The following PCED1A variants were observed in gnomAD, a reference collection of about 807,000 sequenced individuals.
PCED1A encodes PC-esterase domain containing 1A.
PCED1A carries 20 observed loss-of-function variants against 41.9 expected under a neutral mutation model. The ratio of observed to expected loss-of-function variants is 0.48; its 90% confidence interval spans 0.34 to 0.69. The LOEUF is 0.69. PCED1A is among the 30% of genes least tolerant of loss of function. The probability of loss-of-function intolerance (pLI) is 0.01; values close to 1 mark genes in which losing one functional copy is unlikely to be tolerated. For synonymous variants in PCED1A, 236 were observed against 241.3 expected, an observed-to-expected ratio of 0.98 and a Z score of 0.20; for missense variants, 498 against 602.1, an observed-to-expected ratio of 0.83 and a Z score of 1.81.
In PCED1A at chr20:2,840,625, G is replaced by A. The variant is rs2088951909; in HGVS notation, c.-436C>T. 1 of 831,452 alleles carries A rather than the reference G, an allele frequency of 1.2e-6. No individual in the cohort carries two copies. The highest frequency in any genetic ancestry group is 1.9e-6 in the Non-Finnish European group (1 of 515,410). 51.5% of individuals were successfully genotyped at this position (831,452 alleles called of 1,614,324 possible). ...CCCAGGTACGGGCTGGGGTCTCGGG[G>A]CGGCAGCCAAGTGAGGCTGCCCACA... On this transcript the variant is annotated 5_prime_UTR_variant, in exon 1 of 8. Transcript: ENST00000360652.
chr20:2,840,732 T>G, upstream of PCED1A: 5 of 1,545,560 alleles, frequency 3.2e-6, no homozygotes, highest in Non-Finnish European at 3.5e-6. Flanking sequence ...CCGCTCTAGG[T>G]GGGTGTCCCC....
Position 2,838,215 on chromosome 20 carries a change from C to T in PCED1A, c.841+17G>A, listed in dbSNP as rs777142727. ...GCCCCAGTGCATCACTACCCCCCCA[C>T]TTATGGTAGGGCTCACCAGGGGGAT... is the stretch of plus-strand genomic sequence containing the variant. On this transcript the variant is annotated intron_variant, in intron 6 of 7. Transcript: ENST00000360652. This position sits in a 1 kb window ranked among gnomAD's most constrained non-coding sequence, Gnocchi z 5.8. 5.0e-6 allele frequency: 8 copies of T among 1,613,704 alleles called. No homozygotes were observed. The highest frequency in any genetic ancestry group is 1.3e-5 in the African/African-American group (1 of 74,922).
upstream of PCED1A, chr20:2,840,751 TC>T: frequency 1.3e-6 from 2 of 1,547,782 alleles, no homozygotes; most frequent in East Asian, 4.9e-5. Flanking sequence ...CCTCGGTGCT[TC>T]CCAGCTGCCG....
At position 2,840,145 on chromosome 20, in the gene PCED1A, C is replaced by T. The variant is rs116789825; in HGVS notation, c.-22+66G>A. On this transcript the variant is annotated intron_variant, in intron 1 of 7. Transcript: ENST00000360652. ...CACTGGGGAGCTTCCCGCGCGGCGC[C>T]GCCCTGCGCCTCGCCACGTGCCCGC... is the stretch of plus-strand genomic sequence containing the variant. 2.8e-3 allele frequency: 1,166 copies of T among 422,476 alleles called. 13 individuals are homozygous for T. Among genetic ancestry groups the T allele is most frequent in the African/African-American group, 0.022 (1,047 of 48,190 alleles). 26.2% of individuals were successfully genotyped at this position (422,476 alleles called of 1,614,324 possible). A position where few individuals can be genotyped will look rare whatever the true frequency, so the allele number is the denominator to read the frequency against.
chr20:2,837,834 A>C (rs2325970), intron 6 of PCED1A, among the ~76,000 whole-genome samples: 3 of 151,762 alleles, frequency 2.0e-5, no homozygotes, highest in South Asian at 2.1e-4. Context: ...CTGTACCCCC[A>C]CCCCCCAGCT....
chr20:2,835,606 C>T lies in PCED1A; in HGVS notation c.1221G>A (p.Met407Ile). ...QHWGPVVHRG[M>I]PRYVPNSPYH... is the part of the protein sequence containing the mutation. ...AGGGGCTGTTAGGAACATAGCGTGG[C>T]ATCCCCCGGTGGACCACTGGGCCCC... Residue 407 changes from methionine (M) to isoleucine (I), a missense_variant, in exon 8 of 8, where the codon ATG becomes ATA. By Grantham distance (10) the Met-to-Ile change is conservative. Around this residue, in one of 2 missense-constraint regions of PCED1A, gnomAD observed 245 missense variants for 232.4 expected, o/e 1.05. Coordinates refer to ENST00000360652, the MANE Select transcript of PCED1A (RefSeq NM_022760.6). The T allele has an allele frequency of 1.9e-6, 3 of 1,613,692 alleles. No individual in the cohort carries two copies. Among genetic ancestry groups the T allele is most frequent in the Non-Finnish European group, 2.5e-6 (3 of 1,179,658 alleles).
At chr20:2,837,547 G>A (rs922382412) in intron 6 of PCED1A, among the ~76,000 whole-genome samples, 1 of 152,168 alleles carries the variant, frequency 6.6e-6, no homozygotes, top group Non-Finnish European at 1.5e-5. Flanking sequence ...TGCATGCAGG[G>A]ACTAGGGTGT....
At chr20:2,840,080 AC>A in intron 1 of PCED1A, 130 bp downstream of exon 1, 1 of 814,750 alleles carries the variant, frequency 1.2e-6, no homozygotes, top group Non-Finnish European at 1.8e-6. Flanking sequence ...CACACTTGGT[AC>A]CAGAGGCAGG....
chr20:2,838,731 T>C lies in PCED1A; in HGVS notation c.459A>G (p.Ser153=). ...LWDLSRYGRC[S]MESYRENLER... ...CCAGGTTCTCCCGGTAGCTCTCCAT[T>C]GAGCAGCGACCATATCTGTTGGATA... is the stretch of plus-strand genomic sequence containing the variant. The change falls in exon 5 of 8, where the codon TCA becomes TCG. Residue 153 remains serine (S), a synonymous_variant. Coordinates refer to ENST00000360652, the MANE Select transcript of PCED1A (RefSeq NM_022760.6). This position sits in a 1 kb window ranked among gnomAD's most constrained non-coding sequence, Gnocchi z 5.8. 1.2e-6 allele frequency: 2 copies of C among 1,614,152 alleles called. No homozygotes were observed. Among genetic ancestry groups the C allele is most frequent in the Non-Finnish European group, 1.7e-6 (2 of 1,180,022 alleles).
At position 2,838,119 on chromosome 20, in the gene PCED1A, G is replaced by A; in HGVS notation, c.841+113C>T. The A allele has an allele frequency of 1.3e-6, 2 of 1,497,452 alleles. No individual in the cohort carries two copies. Among genetic ancestry groups the A allele is most frequent in the Middle Eastern group, 2.4e-4 (1 of 4,124 alleles). 92.8% of individuals were successfully genotyped at this position (1,497,452 alleles called of 1,614,324 possible). On this transcript the variant is annotated intron_variant, in intron 6 of 7. Coordinates refer to ENST00000360652, the MANE Select transcript of PCED1A (RefSeq NM_022760.6). This position sits in a 1 kb window ranked among gnomAD's most constrained non-coding sequence, Gnocchi z 5.8. ...GAAGGTGCATGCAGAAGCCACAGGA[G>A]TCCTTCAAGGGACCTCTACTTCCCT...
At position 2,838,262 on chromosome 20, in the gene PCED1A, C is replaced by T; in HGVS notation, c.811G>A (p.Val271Met). 2 of 1,614,226 alleles carry T rather than the reference C, an allele frequency of 1.2e-6. No individual in the cohort carries two copies. The highest frequency in any genetic ancestry group is 1.7e-6 in the Non-Finnish European group (2 of 1,180,042). Residue 271 changes from valine to methionine, a missense_variant, in exon 6 of 8, where the codon GTG becomes ATG. Coordinates refer to ENST00000360652, the MANE Select transcript of PCED1A (RefSeq NM_022760.6). This position sits in a 1 kb window ranked among gnomAD's most constrained non-coding sequence, Gnocchi z 5.8. ...GGATAGCCACGCTTGGGCAGCTCCA[C>T]GCCCCAGGCGTCAGCCACATGGGTC... ...LLTHVADAWG[V>M]ELPKRGYPPD...
Position 2,839,252 on chromosome 20 carries a change from C to T in PCED1A, c.144G>A (p.Lys48=), listed in dbSNP as rs2088899004. The change falls in exon 3 of 8, where the codon AAG becomes AAA. Residue 48 remains lysine (K), a synonymous_variant. Coordinates refer to ENST00000360652, the MANE Select transcript of PCED1A (RefSeq NM_022760.6). ...LGDSIQRAVY[K]DLVLLLQKDS... ...CTTTCTGGAGCAAGAGCACCAGGTC[C>T]TTGTACACAGCCCTCTGAACTGGGA... 4 of 1,613,950 alleles carry T rather than the reference C, an allele frequency of 2.5e-6. No homozygotes were observed. The highest frequency in any genetic ancestry group is 3.4e-6 in the Non-Finnish European group (4 of 1,180,014).
At position 2,836,264 on chromosome 20, in the gene PCED1A, G is replaced by A. The variant is rs781153226; in HGVS notation, c.892C>T (p.His298Tyr). 6.2e-7 allele frequency: 1 copy of A among 1,614,154 alleles called. No individual in the cohort carries two copies. Among genetic ancestry groups the A allele is most frequent in the South Asian group, 1.1e-5 (1 of 91,082 alleles). Residue 298 changes from histidine (H) to tyrosine (Y), a missense_variant, in exon 7 of 8, where the codon CAT becomes TAT. Coordinates refer to ENST00000360652, the MANE Select transcript of PCED1A (RefSeq NM_022760.6). The stretch of plus-strand genomic sequence containing the variant: ...TCCCCGAAGTCTGGGGTCTGCCTAT[G>A]GCTTCCCTGGAATGGATGATTCATC... ...AEMNHPFQGSHRQTPDFGEHL... is the reference protein window; with the variant it reads ...AEMNHPFQGSYRQTPDFGEHL...
rs987311460 is a variant in PCED1A, at chr20:2,840,369, G to A, written c.-180C>T. On this transcript the variant is annotated 5_prime_UTR_variant, in exon 1 of 8. Coordinates refer to ENST00000360652, the MANE Select transcript of PCED1A (RefSeq NM_022760.6). ...CGCCCCGCAGAGACCGTGGGTCCAG[G>A]TTAGCCGTCGGTGCACAGCCCAGCG... 1.3e-5 allele frequency: 4 copies of A among 296,594 alleles called. No homozygotes were observed. Among genetic ancestry groups the A allele is most frequent in the East Asian group, 2.0e-4 (2 of 10,036 alleles). The allele number at this position is 296,594 out of a possible 1,614,324, so 18.4% of individuals were successfully genotyped here.
chr20:2,838,416 C>A lies in PCED1A; in HGVS notation c.657G>T (p.Thr219=). ...DVVEGNFYSA[T]LAGDHCFDVL... Reference sequence around the variant, plus strand: ...CATCAAAGCAGTGGTCCCCGGCCAGCGTAGCACTGTAGAAGTTCCCTTCAA... The same window carrying A: ...CATCAAAGCAGTGGTCCCCGGCCAGAGTAGCACTGTAGAAGTTCCCTTCAA... Residue 219 remains threonine, a synonymous_variant, in exon 6 of 8, where the codon ACG becomes ACT. Transcript: ENST00000360652. The surrounding 1 kb of genome is among the most constrained non-coding windows in gnomAD (Gnocchi z 5.8). The A allele has an allele frequency of 6.2e-7, 1 of 1,614,242 alleles. No homozygotes were observed. The highest frequency in any genetic ancestry group is 8.5e-7 in the Non-Finnish European group (1 of 1,180,046).
In PCED1A at chr20:2,835,668, G is replaced by A; in HGVS notation, c.1159C>T (p.Pro387Ser). The part of the protein sequence containing the change: ...GVNFVPGPLP[P>S]PIPGPNPHGQ... The stretch of plus-strand genomic sequence containing the variant: ...TGGGGATTAGGGCCAGGGATTGGAG[G>A]TGGCAGAGGGCCAGGCACAAAGTTC... The change falls in exon 8 of 8, where the codon CCT becomes TCT. Residue 387 changes from proline (P) to serine (S), a missense_variant. Physicochemically the swap from Pro to Ser is moderately conservative, Grantham distance 74. Around this residue, in one of 2 missense-constraint regions of PCED1A, gnomAD observed 245 missense variants for 232.4 expected, o/e 1.05. Transcript: ENST00000360652. The A allele has an allele frequency of 6.3e-7, 1 of 1,585,664 alleles. No individual in the cohort carries two copies. The highest frequency in any genetic ancestry group is 8.6e-7 in the Non-Finnish European group (1 of 1,160,960).
Position 2,839,084 on chromosome 20 carries a change from T to TTG in PCED1A, c.205-3_205-2insCA. On this transcript the variant is annotated splice_region_variant and splice_polypyrimidine_tract_variant and intron_variant, in intron 3 of 7. Coordinates refer to ENST00000360652, the MANE Select transcript of PCED1A (RefSeq NM_022760.6). ...GTCCTGTTCAAAGCTCAGCTCCCCCTACCCACCCCCCCCACCCTACTGGTC... is the reference window on the plus strand; with the variant it reads ...GTCCTGTTCAAAGCTCAGCTCCCCCTTGACCCACCCCCCCCACCCTACTGGTC... 7 of 724,852 alleles carry TTG rather than the reference T, an allele frequency of 9.7e-6. No homozygotes were observed. Among genetic ancestry groups the TTG allele is most frequent in the African/African-American group, 4.0e-5 (1 of 24,762 alleles). 44.9% of individuals were successfully genotyped at this position (724,852 alleles called of 1,614,324 possible). A position where few individuals can be genotyped will look rare whatever the true frequency, so the allele number is the denominator to read the frequency against.
chr20:2,840,032 G>C (rs376452390), intron 1 of PCED1A, 99 bp from the exon 2 acceptor site: 1 of 1,261,576 alleles, frequency 7.9e-7, no homozygotes, highest in South Asian at 1.6e-5. Context: ...AAAGGGAGGA[G>C]GTGACGGCAG....
chr20:2,835,786 C>A, intron 7 of PCED1A, 77 bp from the exon 8 acceptor site: 1 of 1,504,804 alleles, frequency 6.6e-7, no homozygotes, highest in South Asian at 1.4e-5. Flanking sequence ...CAACTCTTGT[C>A]CTCCAGGTGA....
Sources: gnomAD v4.1 joint callset for allele counts (sites outside exome capture counted in the v4.1 genomes callset) on GRCh38, gnomAD v4.1.1 for gene constraint, gnomAD v4.1.1 regional missense constraint, Gnocchi (gnomAD v3.1) non-coding constraint, MANE v1.5 for transcripts, NCBI Gene and HGNC (gene_info 2026-07-23, HGNC 2026-07-21) for gene names.